DISC1: variants seen among roughly 807,000 people sequenced by gnomAD.
The protein encoded by DISC1 is DISC1 scaffold protein.
In DISC1, 57 loss-of-function variants were observed where a neutral mutation model predicts 84.5. The ratio of observed to expected loss-of-function variants is 0.67; its 90% CI spans 0.55 to 0.84. DISC1 has a LOEUF of 0.84. Among genes scored for constraint, DISC1 ranks in the 40% least tolerant of loss-of-function variants. The probability of loss-of-function intolerance (pLI) is 0.00; values close to 1 mark genes in which losing one functional copy is unlikely to be tolerated. For missense variants in DISC1, 1,000 were observed against 1,057.8 expected, an observed-to-expected ratio of 0.95 and a Z score of 0.76; for synonymous variants, 411 against 415.2, an observed-to-expected ratio of 0.99 and a Z score of 0.12.
intron 3 of DISC1, among the ~76,000 whole-genome samples, chr1:231,735,524 G>C (rs561400567): frequency 6.6e-6 from 1 of 152,326 alleles, no homozygotes; most frequent in South Asian, 2.1e-4. Flanking sequence ...AATCTTTCCT[G>C]TAGAAAGAAC....
intron 1 of DISC1, among the ~76,000 whole-genome samples, chr1:231,670,075 G>T (rs1028880343): frequency 6.6e-6 from 1 of 151,940 alleles, no homozygotes; most frequent in Non-Finnish European, 1.5e-5. Context: ...TGGATGGAGC[G>T]GGAGGCCATT....
At chr1:231,996,595 T>C (rs1409047057) in intron 10 of DISC1, among the ~76,000 whole-genome samples, 1 of 152,188 alleles carries the variant, frequency 6.6e-6, no homozygotes, top group Non-Finnish European at 1.5e-5. Context: ...TAGGCATCTG[T>C]GTCAGAACTC....
rs115200398 is a variant in DISC1 at position 231,972,312 on chromosome 1, T to C, written c.2042+13424T>C. On this transcript the variant is annotated intron_variant, in intron 10 of 12. Coordinates refer to ENST00000439617, the MANE Select transcript of DISC1 (RefSeq NM_018662.3). ...GAAGGAGAGATGTGCTTCTGTAAGA[T>C]GTCTTGCCCTTCTGCCTGCCAGAGG... Among the ~76,000 whole-genome samples the C allele has an allele frequency of 3.3e-3, 510 of 152,332 alleles. 3 individuals carry two copies. The highest frequency in any genetic ancestry group is 0.012 in the African/African-American group (480 of 41,590).
At chr1:232,025,726 A>G (rs1487993239) in intron 11 of DISC1, among the ~76,000 whole-genome samples, 3 of 151,358 alleles carry the variant, frequency 2.0e-5, no homozygotes, top group East Asian at 2.0e-4. Context: ...CCTCCCAAGT[A>G]GCTGGGACTA....
intron 6 of DISC1, chr1:231,774,927 T>A: frequency 5.5e-6 from 2 of 366,042 alleles, no homozygotes; most frequent in South Asian, 4.1e-5. Flanking sequence ...GACTTAGGGA[T>A]AATATCCAGT....
chr1:231,887,787 G>A (rs77443217), intron 9 of DISC1, among the ~76,000 whole-genome samples: 1,588 of 152,334 alleles, frequency 0.01, 16 homozygotes, highest in African/African-American at 0.035. Context: ...GGAAAATAAA[G>A]CAAGGATTGA....
intron 9 of DISC1, among the ~76,000 whole-genome samples, chr1:231,946,497 C>T (rs565412137): frequency 2.0e-5 from 3 of 152,232 alleles, no homozygotes; most frequent in African/African-American, 7.2e-5. Flanking sequence ...AAACCCACAG[C>T]CAATATTATA....
chr1:231,824,770 G>A (rs2081738880), intron 9 of DISC1, among the ~76,000 whole-genome samples: 2 of 152,158 alleles, frequency 1.3e-5, no homozygotes, highest in South Asian at 4.1e-4. Context: ...GCATCAGAAT[G>A]TGAGGCTCAA....
chr1:231,882,882 C>T (rs2086396599), intron 9 of DISC1, among the ~76,000 whole-genome samples: 1 of 151,824 alleles, frequency 6.6e-6, no homozygotes, highest in South Asian at 2.1e-4. Context: ...GTAGGGATGT[C>T]TATGACACGC....
intron 7 of DISC1, among the ~76,000 whole-genome samples, chr1:231,798,113 C>CCA (rs113265676): frequency 0.12 from 17,334 of 147,088 alleles, 1,061 homozygotes; most frequent in East Asian, 0.14. Context: ...GTTAGACACA[C>CCA]CACACACACA....
chr1:231,716,043 T>G (rs1385412029), intron 3 of DISC1, among the ~76,000 whole-genome samples: 2 of 152,080 alleles, frequency 1.3e-5, no homozygotes, highest in Non-Finnish European at 2.9e-5. Flanking sequence ...GGTGGAAGGT[T>G]AAATGTGATA....
chr1:231,653,374 C>G (rs2060796211), intron 1 of DISC1, among the ~76,000 whole-genome samples: 1 of 152,146 alleles, frequency 6.6e-6, no homozygotes, highest in Non-Finnish European at 1.5e-5. Flanking sequence ...CAGGCCCTCT[C>G]CAGCGTGTGG....
intron 11 of DISC1, among the ~76,000 whole-genome samples, chr1:232,011,069 C>A (rs970994643): frequency 1.3e-5 from 2 of 152,162 alleles, no homozygotes; most frequent in Non-Finnish European, 2.9e-5. Flanking sequence ...CCCTCCCTTT[C>A]TCCCTCCTTC....
chr1:231,833,717 C>T (rs1048552397), intron 9 of DISC1, among the ~76,000 whole-genome samples: 6 of 152,252 alleles, frequency 3.9e-5, no homozygotes, highest in East Asian at 1.9e-4. Flanking sequence ...CTGGTCACTG[C>T]GGTTTAGGCA....
intron 9 of DISC1, among the ~76,000 whole-genome samples, chr1:231,910,043 T>C (rs2089056272): frequency 6.6e-6 from 1 of 152,232 alleles, no homozygotes; most frequent in African/African-American, 2.4e-5. Context: ...CATTTTTTAT[T>C]GCACCTATTT....
At chr1:231,761,669 C>G (rs2075676791) in intron 4 of DISC1, among the ~76,000 whole-genome samples, 1 of 152,144 alleles carries the variant, frequency 6.6e-6, no homozygotes, top group Admixed American at 6.5e-5. Context: ...GACTCTCATC[C>G]CGACCCAGAT....
At chr1:231,867,400 G>GTAGC (rs2085139292) in intron 9 of DISC1, among the ~76,000 whole-genome samples, 1 of 152,172 alleles carries the variant, frequency 6.6e-6, no homozygotes, top group Non-Finnish European at 1.5e-5. Flanking sequence ...AAGGTTTCCC[G>GTAGC]TAGCTAGACC....
chr1:231,831,800 AGAGT>A (rs775600944), intron 9 of DISC1, among the ~76,000 whole-genome samples: 2 of 151,366 alleles, frequency 1.3e-5, no homozygotes, highest in Non-Finnish European at 2.9e-5. Flanking sequence ...TCCTTTTGCA[AGAGT>A]GAGGGCTTGA....
intron 10 of DISC1, among the ~76,000 whole-genome samples, chr1:231,985,000 T>G (rs1266619741): frequency 6.6e-6 from 1 of 152,098 alleles, no homozygotes; most frequent in East Asian, 1.9e-4. Context: ...TTAATCTCTC[T>G]AAATTTCAAT....
Sources: gnomAD v4.1 joint callset for allele counts (sites outside exome capture counted in the v4.1 genomes callset) on GRCh38, gnomAD v4.1.1 for gene constraint, MANE v1.5 for transcripts, NCBI Gene and HGNC (gene_info 2026-07-23, HGNC 2026-07-21) for gene names.